BAZ1A: variants seen among roughly 807,000 people sequenced by gnomAD.
BAZ1A encodes the protein bromodomain adjacent to zinc finger domain 1A.
In BAZ1A, 50 loss-of-function variants were observed where a neutral mutation model predicts 185.2. The ratio of observed to expected loss-of-function variants is 0.27; its 90% confidence interval spans 0.22 to 0.34. BAZ1A has a LOEUF of 0.34. BAZ1A is among the 10% of genes least tolerant of loss of function. The pLI is 1.00. For synonymous variants in BAZ1A, 571 were observed against 615.6 expected (o/e 0.93, Z 1.07); for missense variants, 1,356 against 1,839.9 (o/e 0.74, Z 4.81).
chr14:34,784,367 C>CAAAAAAA (rs368815964), intron 14 of BAZ1A, among the ~76,000 whole-genome samples: 2 of 77,178 alleles, frequency 2.6e-5, no homozygotes, highest in African/African-American at 1.2e-4. Flanking sequence ...GACTCTGTCT[C>CAAAAAAA]AAAAAAAAAA....
chr14:34,783,036 G>A, intron 16 of BAZ1A, 83 bp downstream of exon 16: 1 of 1,087,658 alleles, frequency 9.2e-7, no homozygotes, highest in Non-Finnish European at 1.4e-6. Flanking sequence ...CTAAAAATGT[G>A]AAAGCATTTT....
rs567864552 is a variant in BAZ1A, at chr14:34,773,094, G to C, written c.3152+478C>G. On this transcript the variant is annotated intron_variant, in intron 20 of 26. Transcript: ENST00000360310. ...CATGCCCAGATAATTAAAAAAAAGA[G>C]AGACAGGGTCTCACTATGTTGCCCA... 2.6e-5 allele frequency among the ~76,000 whole-genome samples: 4 copies of C among 152,072 alleles called. No individual in the cohort carries two copies. The East Asian group carries it at 7.7e-4, about 29-fold the overall frequency.
chr14:34,827,943 C>T (rs2042186851), intron 3 of BAZ1A, among the ~76,000 whole-genome samples: 1 of 151,970 alleles, frequency 6.6e-6, no homozygotes, highest in Non-Finnish European at 1.5e-5. Flanking sequence ...CTTTACTCTG[C>T]ATACTGTATC....
chr14:34,783,476 C>T (rs865892471), intron 15 of BAZ1A, among the ~76,000 whole-genome samples: 7 of 149,090 alleles, frequency 4.7e-5, no homozygotes, highest in Admixed American at 2.7e-4. Context: ...GCTGGGATTA[C>T]AGGCATGCAC....
intron 3 of BAZ1A, among the ~76,000 whole-genome samples, chr14:34,832,947 T>C (rs566603657): frequency 3.9e-5 from 6 of 152,110 alleles, no homozygotes; most frequent in Non-Finnish European, 1.5e-5. Flanking sequence ...ATAAGCAAAC[T>C]GTGGTATATA....
In BAZ1A at chr14:34,840,841, G is replaced by C. The variant is rs548461599; in HGVS notation, c.393-14685C>G. On this transcript the variant is annotated intron_variant, in intron 3 of 26. Transcript: ENST00000360310. ...CTCCCTTCTTAAATTCTTCTAGCTG[G>C]TATTTTCTAGCTAGACCACCTACTT... Among the ~76,000 whole-genome samples, 3 of 152,102 alleles carry C rather than the reference G, an allele frequency of 2.0e-5. No individual in the cohort carries two copies. The East Asian group carries it at 5.8e-4, about 29-fold the overall frequency.
chr14:34,856,955 A>G (rs1164172636), intron 3 of BAZ1A, among the ~76,000 whole-genome samples: 2 of 150,556 alleles, frequency 1.3e-5, no homozygotes, highest in Admixed American at 6.6e-5. Context: ...GCCTGATTTG[A>G]GTGCAAAGAT....
chr14:34,828,086 G>A (rs1594881365), intron 3 of BAZ1A, among the ~76,000 whole-genome samples: 2 of 151,874 alleles, frequency 1.3e-5, no homozygotes, highest in South Asian at 2.1e-4. Flanking sequence ...CCTGAGGTCC[G>A]GAGTTTGAGA....
chr14:34,869,131 C>T (rs2042912178), intron 2 of BAZ1A, among the ~76,000 whole-genome samples: 1 of 150,186 alleles, frequency 6.7e-6, no homozygotes, highest in Admixed American at 6.6e-5. Flanking sequence ...GGCATGAACC[C>T]GGGAGGCGGA....
intron 3 of BAZ1A, among the ~76,000 whole-genome samples, chr14:34,843,965 G>C (rs1019232477): frequency 3.3e-5 from 5 of 151,950 alleles, no homozygotes; most frequent in African/African-American, 7.3e-5. Flanking sequence ...CAGCACTTTG[G>C]GAGGCCGAGG....
chr14:34,759,343 G>A (rs1886425452), intron 24 of BAZ1A, among the ~76,000 whole-genome samples: 1 of 151,798 alleles, frequency 6.6e-6, no homozygotes, highest in African/African-American at 2.4e-5. Context: ...ACGGCGCCCG[G>A]CTAATTTTGT....
At chr14:34,787,803 C>T (rs879757226) in intron 12 of BAZ1A, among the ~76,000 whole-genome samples, 1 of 152,204 alleles carries the variant, frequency 6.6e-6, no homozygotes, top group Non-Finnish European at 1.5e-5. Context: ...AGCAAATCTA[C>T]TGGTACAAAT....
intron 6 of BAZ1A, among the ~76,000 whole-genome samples, chr14:34,804,288 A>G (rs1881736372): frequency 6.6e-6 from 1 of 152,206 alleles, no homozygotes; most frequent in South Asian, 2.1e-4. Context: ...GATTATAGGC[A>G]TAAGCCACTG....
chr14:34,858,187 G>C (rs1210479621), intron 3 of BAZ1A, among the ~76,000 whole-genome samples: 1 of 152,158 alleles, frequency 6.6e-6, no homozygotes, highest in Non-Finnish European at 1.5e-5. Context: ...AAAATGTTGA[G>C]GCGATGACTG....
At position 34,789,131 on chromosome 14, in the gene BAZ1A, CA is replaced by C. The variant is rs1880684339; in HGVS notation, c.1511-2911del. 5.3e-5 allele frequency among the ~76,000 whole-genome samples: 8 copies of C among 152,270 alleles called. No individual in the cohort carries two copies. In the South Asian group the frequency reaches 1.7e-3, roughly 32 times the overall value. The stretch of plus-strand genomic sequence containing the variant: ...AAAAATACTAGACCTAAAATTTCAT[CA>C]ATGTTCATTTTACATATAAAGCCAA... On this transcript the variant is annotated intron_variant, in intron 12 of 26. Coordinates refer to ENST00000360310, the MANE Select transcript of BAZ1A (RefSeq NM_013448.3).
chr14:34,771,062 T>C (rs1327616809), intron 21 of BAZ1A: 4 of 153,282 alleles, frequency 2.6e-5, no homozygotes, highest in Non-Finnish European at 5.8e-5. Flanking sequence ...CATGCAATGG[T>C]GTGGTCATAG....
rs1880951282 is a variant in BAZ1A at position 34,793,023 on chromosome 14, T to G, written c.1364-102A>C. The G allele has an allele frequency of 7.6e-6, 8 of 1,050,632 alleles. No individual in the cohort carries two copies. In the South Asian group the frequency reaches 1.2e-4, roughly 16 times the overall value. 65.1% of individuals were successfully genotyped at this position (1,050,632 alleles called of 1,614,324 possible). A position where few individuals can be genotyped will look rare whatever the true frequency, so the allele number is the denominator to read the frequency against. ...TAATCAACAATAGTATGTGCAACTA[T>G]TTTCTTAAGCATCAATTTATGAAAG... On this transcript the variant is annotated intron_variant, in intron 11 of 26. Transcript: ENST00000360310.
intron 25 of BAZ1A, 99 bp downstream of exon 25, chr14:34,758,605 C>A (rs1886374608): frequency 3.2e-6 from 4 of 1,234,180 alleles, no homozygotes; most frequent in Non-Finnish European, 3.4e-6. Flanking sequence ...ACAAAAAAAA[C>A]TAGACAGTGA....
intron 4 of BAZ1A, 110 bp from the exon 5 acceptor site, chr14:34,811,146 A>T (rs991257191): frequency 5.0e-5 from 40 of 796,180 alleles, no homozygotes; most frequent in Non-Finnish European, 6.3e-5. Context: ...ATATTTCAAA[A>T]TTTTTTTTTG....
Sources: gnomAD v4.1 joint callset for allele counts (sites outside exome capture counted in the v4.1 genomes callset) on GRCh38, gnomAD v4.1.1 for gene constraint, MANE v1.5 for transcripts, NCBI Gene and HGNC (gene_info 2026-07-23, HGNC 2026-07-21) for gene names.